The following CACNA1C variants were observed in gnomAD, a reference collection of about 807,000 sequenced individuals.
CACNA1C encodes voltage-dependent L-type calcium channel subunit alpha-1C.
In CACNA1C, 30 loss-of-function variants were observed where a neutral mutation model predicts 229.0. The observed-to-expected ratio is 0.13, with a 90% confidence interval of 0.10 to 0.18. The LOEUF (loss-of-function observed/expected upper bound fraction) is 0.18. CACNA1C is among the 10% of genes least tolerant of loss of function. CACNA1C has a pLI of 1.00. For missense variants in CACNA1C, 1,658 were observed against 2,845.0 expected (o/e 0.58, Z 9.49); for synonymous variants, 1,114 against 1,132.5 (o/e 0.98, Z 0.33).
intron 3 of CACNA1C, among the ~76,000 whole-genome samples, chr12:2,270,564 A>G (rs1189480850): frequency 6.6e-6 from 1 of 152,022 alleles, no homozygotes; most frequent in East Asian, 1.9e-4. Flanking sequence ...GGGCCACAGC[A>G]CTCCAGACGT....
chr12:2,154,976 G>A (rs1283883831), intron 3 of CACNA1C, among the ~76,000 whole-genome samples: 5 of 152,314 alleles, frequency 3.3e-5, no homozygotes, highest in East Asian at 3.9e-4. Flanking sequence ...CCATCCTGCC[G>A]TCCTAGAGTA....
Position 2,053,389 on chromosome 12 carries a change from T to G in CACNA1C, c.-174T>G, listed in dbSNP as rs1050444869. Reference sequence around the variant, plus strand: ...CAGTTTTTGGGGTTTGATGCCATAATGGGAATCAGGTAATCGTCGGCGGGG... The same window carrying G: ...CAGTTTTTGGGGTTTGATGCCATAAGGGGAATCAGGTAATCGTCGGCGGGG... On this transcript the variant is annotated 5_prime_UTR_variant, in exon 1 of 47. The change abolishes an upstream ATG in the 5' untranslated region. Transcript: ENST00000399655. The surrounding 1 kb of genome is among the most constrained non-coding windows in gnomAD (Gnocchi z 5.8). 7.2e-7 allele frequency: 1 copy of G among 1,394,608 alleles called. No individual in the cohort carries two copies. Among genetic ancestry groups the G allele is most frequent in the African/African-American group, 1.5e-5 (1 of 68,038 alleles). The allele number at this position is 1,394,608 out of a possible 1,614,324, so 86.4% of individuals were successfully genotyped here.
intron 3 of CACNA1C, among the ~76,000 whole-genome samples, chr12:2,326,795 A>G (rs1185761786): frequency 2.6e-5 from 4 of 152,174 alleles, no homozygotes; most frequent in Non-Finnish European, 5.9e-5. Context: ...TCCTCATTTC[A>G]TGTCACTCAG....
intron 3 of CACNA1C, among the ~76,000 whole-genome samples, chr12:2,412,145 G>A (rs1195182752): frequency 6.6e-6 from 1 of 151,974 alleles, no homozygotes; most frequent in Non-Finnish European, 1.5e-5. Flanking sequence ...AGGAAAAGCA[G>A]CTCCCCAGGC....
intron 3 of CACNA1C, among the ~76,000 whole-genome samples, chr12:2,149,963 G>A (rs967494863): frequency 1.3e-5 from 2 of 152,194 alleles, no homozygotes; most frequent in Non-Finnish European, 2.9e-5. Flanking sequence ...AGGATGAGGA[G>A]CCAGGTTATG....
At chr12:2,065,158 G>A (rs1336010777) in intron 1 of CACNA1C, among the ~76,000 whole-genome samples, 1 of 152,216 alleles carries the variant, frequency 6.6e-6, no homozygotes, top group African/African-American at 2.4e-5. Context: ...ATATCTGGCT[G>A]CCTGAGACAT....
Position 1,971,192 on chromosome 12 carries a change from T to C in CACNA1C, c.130T>C (p.Ser44Pro). ...AGCTCAACTCAACTATTTCTACATC[T>C]CTCCTGGAGGTAAGAAACCCTAAAG... The change falls in exon 1 of 47, where the codon TCT becomes CCT. Residue 44 changes from serine (S) to proline (P), a missense_variant. Coordinates refer to the CACNA1C transcript ENST00000682462. The surrounding 1 kb of genome is among the most constrained non-coding windows in gnomAD (Gnocchi z 4.2). 1 of 1,288,048 alleles carries C rather than the reference T, an allele frequency of 7.8e-7. No homozygotes were observed. The highest frequency in any genetic ancestry group is 1.0e-6 in the Non-Finnish European group (1 of 987,602). 79.8% of individuals were successfully genotyped at this position (1,288,048 alleles called of 1,614,324 possible).
At chr12:2,606,841 G>T in intron 25 of CACNA1C, 143 bp from the exon 26 acceptor site, 1 of 1,041,202 alleles carries the variant, frequency 9.6e-7, no homozygotes, top group African/African-American at 1.6e-5. Flanking sequence ...TGAAGTTTCT[G>T]CCCACTGAAG....
At chr12:2,206,218 C>T (rs561559151) in intron 3 of CACNA1C, among the ~76,000 whole-genome samples, 154 of 152,274 alleles carry the variant, frequency 1.0e-3, no homozygotes, top group Non-Finnish European at 1.8e-3. Context: ...AGACTTACAA[C>T]CCAGCCCTTG....
intron 4 of CACNA1C, among the ~76,000 whole-genome samples, chr12:2,450,475 A>AC (rs765196792): frequency 2.2e-5 from 3 of 136,082 alleles, no homozygotes; most frequent in Non-Finnish European, 3.1e-5. Context: ...AATGGCGTGA[A>AC]CCCGGGAGGC....
chr12:1,984,659 C>T (rs186912625), intron 1 of CACNA1C, among the ~76,000 whole-genome samples: 11 of 151,270 alleles, frequency 7.3e-5, no homozygotes, highest in South Asian at 6.3e-4. Flanking sequence ...TGTAATTACC[C>T]GTATATTTAC....
intron 3 of CACNA1C, among the ~76,000 whole-genome samples, chr12:2,313,319 T>A (rs539608499): frequency 1.3e-5 from 2 of 152,136 alleles, no homozygotes; most frequent in South Asian, 2.1e-4. Flanking sequence ...ATGGTCAAGG[T>A]CATCCCTAGC....
At chr12:2,260,840 A>G (rs1402748467) in intron 3 of CACNA1C, among the ~76,000 whole-genome samples, 1 of 152,178 alleles carries the variant, frequency 6.6e-6, no homozygotes, top group African/African-American at 2.4e-5. Flanking sequence ...GGACTCCTTT[A>G]TATTCTCAAT....
chr12:2,154,357 G>A (rs910794713), intron 3 of CACNA1C, among the ~76,000 whole-genome samples: 1 of 152,198 alleles, frequency 6.6e-6, no homozygotes, highest in East Asian at 1.9e-4. Context: ...TTATCAAAAG[G>A]ACACCACCTC....
chr12:2,127,327 C>T (rs2090507206), intron 3 of CACNA1C, among the ~76,000 whole-genome samples: 1 of 152,228 alleles, frequency 6.6e-6, no homozygotes, highest in Non-Finnish European at 1.5e-5. Flanking sequence ...TTGGGTTCCC[C>T]TCCTCTCCCT....
Position 2,606,988 on chromosome 12 carries a change from A to C in CACNA1C, c.3214A>C (p.Asn1072His). The C allele has an allele frequency of 6.2e-7, 1 of 1,613,850 alleles. No individual in the cohort carries two copies. Among genetic ancestry groups the C allele is most frequent in the Non-Finnish European group, 8.5e-7 (1 of 1,179,766 alleles). ...CTCCTTCTCCTCCTCTCTCAGGGGC[A>C]ACTACATCACGTACAAAGACGGGGA... ...SKQTEAECKG[N>H]YITYKDGEVD... is the part of the protein sequence containing the mutation. The change falls in exon 26 of 47, where the codon AAC becomes CAC. Residue 1072 changes from asparagine (N) to histidine (H), a missense_variant. Physicochemically the swap from Asn to His is moderately conservative, Grantham distance 68 (BLOSUM62 1). Transcript: ENST00000399655.
At chr12:2,591,337 C>T (rs1397062075) in intron 18 of CACNA1C, among the ~76,000 whole-genome samples, 1 of 152,128 alleles carries the variant, frequency 6.6e-6, no homozygotes, top group Non-Finnish European at 1.5e-5. Context: ...GACTAGTATC[C>T]CCTTCACCTT....
chr12:2,483,037 G>A (rs191927902), intron 5 of CACNA1C, among the ~76,000 whole-genome samples: 5 of 152,204 alleles, frequency 3.3e-5, no homozygotes, highest in South Asian at 2.1e-4. Flanking sequence ...GCTCACGCAC[G>A]TGACTTGGCT....
chr12:2,568,750 C>T lies in CACNA1C; in HGVS notation c.1895+956C>T, dbSNP rs143248073. 1.8e-3 allele frequency among the ~76,000 whole-genome samples: 274 copies of T among 151,666 alleles called. 2 individuals carry two copies. In the East Asian group the frequency reaches 0.039, roughly 22 times the overall value. ...CAGAGACAGAAAGCAGAATGGTGGGCGCCCAGGGCTGGAGGGAGGGGGCAG... is the reference window on the plus strand; with the variant it reads ...CAGAGACAGAAAGCAGAATGGTGGGTGCCCAGGGCTGGAGGGAGGGGGCAG... On this transcript the variant is annotated intron_variant, in intron 13 of 46. Transcript: ENST00000399655.
Sources: allele counts gnomAD v4.1 joint callset (sites outside exome capture counted in the v4.1 genomes callset), GRCh38; gene constraint gnomAD v4.1.1; non-coding constraint Gnocchi (gnomAD v3.1); transcripts MANE v1.5; gene names NCBI Gene and HGNC (gene_info 2026-07-23, HGNC 2026-07-21).